Variants in JAKMIP1 observed in about 807,000 individuals in gnomAD.
The protein encoded by JAKMIP1 is janus kinase and microtubule interacting protein 1.
Under a neutral mutation model 113.0 loss-of-function variants are expected in JAKMIP1, and 33 were observed. The ratio of observed to expected loss-of-function variants is 0.29; its 90% confidence interval spans 0.22 to 0.39. JAKMIP1 has a LOEUF of 0.39. Ranked by LOEUF, JAKMIP1 falls within the 10% of genes least tolerant of loss-of-function variation. JAKMIP1 has a pLI of 1.00. For synonymous variants in JAKMIP1, 480 were observed against 459.9 expected (o/e 1.04, Z -0.56); for missense variants, 813 against 1,080.5 (o/e 0.75, Z 3.47).
chr4:6,195,832 C>A (rs917228680), intron 1 of JAKMIP1, among the ~76,000 whole-genome samples: 1 of 152,238 alleles, frequency 6.6e-6, no homozygotes, highest in African/African-American at 2.4e-5. Flanking sequence ...CCAGATGTCT[C>A]CCCCAGCTGC....
At chr4:6,159,193 C>T (rs558664707) in intron 1 of JAKMIP1, among the ~76,000 whole-genome samples, 60 of 151,712 alleles carry the variant, frequency 4.0e-4, no homozygotes, top group Non-Finnish European at 6.2e-4. Flanking sequence ...TATTTAGGAA[C>T]GAATAAAACT....
At position 6,048,878 on chromosome 4, in the gene JAKMIP1, A is replaced by G. The variant is rs1715317350; in HGVS notation, c.2007T>C (p.Thr669=). Residue 669 remains threonine (T), a synonymous_variant, in exon 16 of 21, where the codon ACT becomes ACC. Coordinates refer to ENST00000409021, the MANE Select transcript of JAKMIP1 (RefSeq NM_001099433.2). ...EEQVAIIQAG[T]VLALCEKWLK... is the part of the protein sequence containing the mutation. ...CTACCTTTTCACACAGGGCAAGCAC[A>G]GTTCCAGCTTGGATTATTGCAACCT... The G allele has an allele frequency of 6.2e-7, 1 of 1,614,006 alleles. No individual in the cohort carries two copies. Among genetic ancestry groups the G allele is most frequent in the Non-Finnish European group, 8.5e-7 (1 of 1,179,848 alleles).
At position 6,042,229 on chromosome 4, in the gene JAKMIP1, T is replaced by A; in HGVS notation, c.2029-2A>T. ...GGTCCCCTCTATTTGCTTCAGCCAC[T>A]AGAAAACAGCAGGGACAGGACGGGT... On this transcript the variant is annotated splice_acceptor_variant, in intron 16 of 20. Coordinates refer to ENST00000409021, the MANE Select transcript of JAKMIP1 (RefSeq NM_001099433.2). LOFTEE classifies it high-confidence loss of function. The surrounding 1 kb of genome is among the most constrained non-coding windows in gnomAD (Gnocchi z 5.2). 2 of 1,613,274 alleles carry A rather than the reference T, an allele frequency of 1.2e-6. No individual in the cohort carries two copies. The highest frequency in any genetic ancestry group is 1.7e-6 in the Non-Finnish European group (2 of 1,179,400).
intron 11 of JAKMIP1, 105 bp from the exon 12 acceptor site, chr4:6,056,864 A>T: frequency 1.2e-6 from 1 of 800,168 alleles, no homozygotes; most frequent in Non-Finnish European, 2.2e-6. Context: ...GACCATGGAA[A>T]GGTCATAAAA....
At position 6,036,127 on chromosome 4, in the gene JAKMIP1, C is replaced by A. The variant is rs116298655; in HGVS notation, c.2176-20G>T. ...GATTTTCTGAGGACCCCAGATCACACAGACAGAGGAAGGTCACAAGGAGGT... is the reference window on the plus strand; with the variant it reads ...GATTTTCTGAGGACCCCAGATCACAAAGACAGAGGAAGGTCACAAGGAGGT... On this transcript the variant is annotated intron_variant, in intron 18 of 20. Transcript: ENST00000409021. The A allele has an allele frequency of 6.6e-6, 10 of 1,525,276 alleles. No individual in the cohort carries two copies. The African/African-American group carries it at 1.4e-4, about 21-fold the overall frequency. 94.5% of individuals were successfully genotyped at this position (1,525,276 alleles called of 1,614,324 possible).
At chr4:6,098,662 GAAA>G (rs1712361318) in intron 3 of JAKMIP1, among the ~76,000 whole-genome samples, 22 of 110,168 alleles carry the variant, frequency 2.0e-4, no homozygotes, top group African/African-American at 4.7e-4. Flanking sequence ...AGGAAAGGAA[GAAA>G]GAGAGAGAAA....
Position 6,065,247 on chromosome 4 carries a change from T to C in JAKMIP1, c.1303-239A>G, listed in dbSNP as rs1226755048. ...GCTAGTCTGGCCCTGGTCCTGGCTC[T>C]GGCTCTCCAGCTGTAGACCTGTGCA... On this transcript the variant is annotated intron_variant, in intron 8 of 20. Coordinates refer to ENST00000409021, the MANE Select transcript of JAKMIP1 (RefSeq NM_001099433.2). The surrounding 1 kb of genome is among the most constrained non-coding windows in gnomAD (Gnocchi z 5.1). 6.6e-6 allele frequency among the ~76,000 whole-genome samples: 1 copy of C among 152,192 alleles called. No homozygotes were observed. Among genetic ancestry groups the C allele is most frequent in the Non-Finnish European group, 1.5e-5 (1 of 68,036 alleles).
chr4:6,182,846 A>C (rs1354939617), intron 1 of JAKMIP1, among the ~76,000 whole-genome samples: 1 of 152,196 alleles, frequency 6.6e-6, no homozygotes, highest in East Asian at 1.9e-4. Flanking sequence ...CTTTCCCCAA[A>C]CACTTCCTAT....
chr4:6,042,401 C>T lies in JAKMIP1; in HGVS notation c.2029-174G>A, dbSNP rs1314041298. Among the ~76,000 whole-genome samples, 2 of 152,128 alleles carry T rather than the reference C, an allele frequency of 1.3e-5. No individual in the cohort carries two copies. Among genetic ancestry groups the T allele is most frequent in the East Asian group, 3.9e-4 (2 of 5,184 alleles). On this transcript the variant is annotated intron_variant, in intron 16 of 20. Coordinates refer to ENST00000409021, the MANE Select transcript of JAKMIP1 (RefSeq NM_001099433.2). This position sits in a 1 kb window ranked among gnomAD's most constrained non-coding sequence, Gnocchi z 5.2. Reference sequence around the variant, plus strand: ...TCTGTGGATGGCGTGGTTGTGTGTGCATGGTCCAGCCTGCATGTGCAGGAG... The same window carrying T: ...TCTGTGGATGGCGTGGTTGTGTGTGTATGGTCCAGCCTGCATGTGCAGGAG...
intron 20 of JAKMIP1, among the ~76,000 whole-genome samples, chr4:6,026,901 T>TTGTTAG (rs1711918232): frequency 4.0e-5 from 6 of 150,272 alleles, no homozygotes; most frequent in Non-Finnish European, 8.9e-5. Flanking sequence ...TCACCAGCTA[T>TTGTTAG]TGTTAGTGTT....
intron 9 of JAKMIP1, among the ~76,000 whole-genome samples, chr4:6,063,872 T>C (rs1177914042): frequency 6.6e-6 from 1 of 152,128 alleles, no homozygotes; most frequent in Non-Finnish European, 1.5e-5. Flanking sequence ...CAGTGCCCAG[T>C]CCCTCACCAG....
At chr4:6,060,143 C>G (rs773932807) in intron 11 of JAKMIP1, among the ~76,000 whole-genome samples, 1 of 152,208 alleles carries the variant, frequency 6.6e-6, no homozygotes, top group South Asian at 2.1e-4. Context: ...TTGATCACAC[C>G]TTTGCTTTTG....
rs769245091 is a variant in JAKMIP1 at position 6,081,171 on chromosome 4, G to A, written c.1101+438C>T. 6.6e-6 allele frequency among the ~76,000 whole-genome samples: 1 copy of A among 152,172 alleles called. No individual in the cohort carries two copies. The highest frequency in any genetic ancestry group is 2.4e-5 in the African/African-American group (1 of 41,430). ...ACGCCTGCCCTGACCACAAACACCAGGCATCCTAGCTGGAGGAGAAACCCC... is the reference window on the plus strand; with the variant it reads ...ACGCCTGCCCTGACCACAAACACCAAGCATCCTAGCTGGAGGAGAAACCCC... On this transcript the variant is annotated intron_variant, in intron 6 of 20. Transcript: ENST00000409021. This position sits in a 1 kb window ranked among gnomAD's most constrained non-coding sequence, Gnocchi z 4.6.
intron 1 of JAKMIP1, among the ~76,000 whole-genome samples, chr4:6,119,161 C>T (rs1180936739): frequency 6.6e-6 from 1 of 152,178 alleles, no homozygotes; most frequent in Admixed American, 6.5e-5. Context: ...ACCTCTAGAA[C>T]TGCGAGAGTA....
rs575274972 is a variant in JAKMIP1 at position 6,159,957 on chromosome 4, TG to T, written c.-148+40295del. Among the ~76,000 whole-genome samples the T allele has an allele frequency of 7.3e-3, 1,106 of 152,178 alleles. 4 individuals are homozygous for T. Among genetic ancestry groups the T allele is most frequent in the Middle Eastern group, 0.02 (6 of 294 alleles). Reference sequence around the variant, plus strand: ...ACAAACAACATGATCCCATTTTTCATGGAGAAAAGCCCACATCAGACACTCA... The same window carrying T: ...ACAAACAACATGATCCCATTTTTCATGAGAAAAGCCCACATCAGACACTCA... On this transcript the variant is annotated intron_variant, in intron 1 of 20. Coordinates refer to ENST00000409021, the MANE Select transcript of JAKMIP1 (RefSeq NM_001099433.2).
intron 3 of JAKMIP1, among the ~76,000 whole-genome samples, chr4:6,098,055 G>A (rs964080434): frequency 7.2e-5 from 11 of 152,308 alleles, no homozygotes; most frequent in South Asian, 2.1e-4. Context: ...GTTCTGATAC[G>A]CATGAGTCTG....
In JAKMIP1 at chr4:6,093,717, G is replaced by A. The variant is rs769639646; in HGVS notation, c.625-8088C>T. On this transcript the variant is annotated intron_variant, in intron 3 of 20. Transcript: ENST00000409021. The surrounding 1 kb of genome is among the most constrained non-coding windows in gnomAD (Gnocchi z 4.6). ...ACCTGTACAGGGAGGTGTGGCTGCCGTGCCCTGAAAAGTATCCTGTCTCCA... is the reference window on the plus strand; with the variant it reads ...ACCTGTACAGGGAGGTGTGGCTGCCATGCCCTGAAAAGTATCCTGTCTCCA... Among the ~76,000 whole-genome samples the A allele has an allele frequency of 4.6e-5, 7 of 152,216 alleles. No homozygotes were observed. The highest frequency in any genetic ancestry group is 7.2e-5 in the African/African-American group (3 of 41,534).
In JAKMIP1 at chr4:6,135,144, G is replaced by A. The variant is rs192755164; in HGVS notation, c.-147-22147C>T. 1.3e-3 allele frequency among the ~76,000 whole-genome samples: 198 copies of A among 152,208 alleles called. No individual in the cohort carries two copies. The Middle Eastern group carries it at 0.017, about 13-fold the overall frequency. On this transcript the variant is annotated intron_variant, in intron 1 of 20. Coordinates refer to ENST00000409021, the MANE Select transcript of JAKMIP1 (RefSeq NM_001099433.2). This position sits in a 1 kb window ranked among gnomAD's most constrained non-coding sequence, Gnocchi z 4.9. ...CAAGCCATGGTATATGGGCTGACTC[G>A]TGTCCCTCCAAAATTCTTATGTTGA...
Position 6,145,231 on chromosome 4 carries a change from C to G in JAKMIP1, c.-147-32234G>C, listed in dbSNP as rs563486105. ...GCACAGGCACCAGCCCCATGCAAGG[C>G]ACTGAACCAGGCCCTTTCCATGCAG... On this transcript the variant is annotated intron_variant, in intron 1 of 20. Coordinates refer to ENST00000409021, the MANE Select transcript of JAKMIP1 (RefSeq NM_001099433.2). Among the ~76,000 whole-genome samples the G allele has an allele frequency of 5.9e-5, 9 of 152,298 alleles. 1 individual carries two copies. Among genetic ancestry groups the G allele is most frequent in the African/African-American group, 2.2e-4 (9 of 41,562 alleles).
Sources: gnomAD v4.1 joint callset for allele counts (sites outside exome capture counted in the v4.1 genomes callset) on GRCh38, gnomAD v4.1.1 for gene constraint, Gnocchi (gnomAD v3.1) non-coding constraint, MANE v1.5 for transcripts, NCBI Gene and HGNC (gene_info 2026-07-23, HGNC 2026-07-21) for gene names.